Variants in TSNARE1 observed in about 807,000 individuals in gnomAD.
TSNARE1 encodes the protein t-SNARE domain containing 1.
Under a neutral mutation model 62.0 loss-of-function variants are expected in TSNARE1, and 49 were observed. That is an observed-to-expected ratio of 0.79 (90% CI 0.63 to 1.00). The LOEUF is 1.00. Ranked by LOEUF, TSNARE1 falls within the 50% of genes least tolerant of loss-of-function variation. The pLI is 0.00. For synonymous variants in TSNARE1, 328 were observed against 294.4 expected (o/e 1.11, Z -1.17); for missense variants, 755 against 700.1 (o/e 1.08, Z -0.88).
chr8:142,249,670 T>G (rs1818061575), intron 12 of TSNARE1, among the ~76,000 whole-genome samples: 1 of 152,182 alleles, frequency 6.6e-6, no homozygotes, highest in African/African-American at 2.4e-5. Flanking sequence ...AGGCAGGCCG[T>G]CCGCGTCAGG....
chr8:142,401,288 G>A (rs1838272062), intron 1 of TSNARE1, among the ~76,000 whole-genome samples: 1 of 152,152 alleles, frequency 6.6e-6, no homozygotes, highest in African/African-American at 2.4e-5. Context: ...GGGTGACACA[G>A]CAGAGGTCTA....
chr8:142,279,910 A>C, intron 11 of TSNARE1: 1 of 1,036,856 alleles, frequency 9.6e-7, no homozygotes. Flanking sequence ...GTGGGCAGAA[A>C]AGGTCTCTGC....
intron 1 of TSNARE1, chr8:142,366,090 G>C (rs1263954965): frequency 3.1e-6 from 1 of 319,436 alleles, no homozygotes; most frequent in Non-Finnish European, 6.1e-6. Context: ...AGGCTGGAGT[G>C]CAGTGGCACA....
intron 4 of TSNARE1, among the ~76,000 whole-genome samples, chr8:142,332,767 T>A (rs1225173219): frequency 1.3e-5 from 2 of 151,968 alleles, no homozygotes; most frequent in Admixed American, 6.5e-5. Flanking sequence ...AGAGCACACA[T>A]CAAAGCACAT....
intron 11 of TSNARE1, among the ~76,000 whole-genome samples, chr8:142,283,406 A>G (rs796327749): frequency 5.8e-3 from 463 of 80,280 alleles, no homozygotes; most frequent in African/African-American, 0.012. Context: ...GTTAGTGTCT[A>G]TCAATGAGCA....
At chr8:142,318,747 A>G (rs1269029465) in intron 6 of TSNARE1, 113 bp from the exon 7 acceptor site, 3 of 912,322 alleles carry the variant, frequency 3.3e-6, no homozygotes, top group South Asian at 1.4e-5. Flanking sequence ...GGAGACAGAG[A>G]CAGATGGATG....
chr8:142,296,574 G>T (rs1230929249), intron 10 of TSNARE1, among the ~76,000 whole-genome samples: 1 of 152,006 alleles, frequency 6.6e-6, no homozygotes, highest in African/African-American at 2.4e-5. Context: ...CAGGCTCTGG[G>T]GATGGGGCTG....
intron 11 of TSNARE1, chr8:142,275,581 G>A (rs2130629308): frequency 1.0e-6 from 1 of 985,440 alleles, no homozygotes; most frequent in South Asian, 4.7e-5. Flanking sequence ...GGCACCAGGA[G>A]CGCAGGCACA....
At chr8:142,234,792 C>G (rs1362303981) in intron 12 of TSNARE1, among the ~76,000 whole-genome samples, 1 of 152,040 alleles carries the variant, frequency 6.6e-6, no homozygotes. Context: ...GGGGAGACGC[C>G]CAAGCCTAGA....
chr8:142,249,497 T>C (rs1376868253), intron 12 of TSNARE1, among the ~76,000 whole-genome samples: 3 of 152,158 alleles, frequency 2.0e-5, no homozygotes, highest in African/African-American at 7.2e-5. Flanking sequence ...GGGCAGGTCC[T>C]GGGCAGAGGC....
intron 12 of TSNARE1, among the ~76,000 whole-genome samples, chr8:142,255,839 C>T (rs145496345): frequency 0.15 from 3,723 of 25,288 alleles, 580 homozygotes; most frequent in East Asian, 0.25. Context: ...ACCACCACCA[C>T]CACCATCACC....
At chr8:142,314,698 C>T (rs1041801671) in intron 8 of TSNARE1, among the ~76,000 whole-genome samples, 3 of 152,236 alleles carry the variant, frequency 2.0e-5, no homozygotes, top group Admixed American at 1.3e-4. Context: ...CCTCTGTCCA[C>T]GCGTGGGAGC....
At chr8:142,301,110 G>A (rs1825687190) in intron 9 of TSNARE1, among the ~76,000 whole-genome samples, 1 of 148,718 alleles carries the variant, frequency 6.7e-6, no homozygotes, top group African/African-American at 2.5e-5. Context: ...CCCTGCCCAT[G>A]CCAGCAGGCC....
rs146202353 is a variant in TSNARE1 at position 142,307,135 on chromosome 8, C to G, written c.1132-6491G>C. Among the ~76,000 whole-genome samples, 213 of 152,228 alleles carry G rather than the reference C, an allele frequency of 1.4e-3. 2 individuals are homozygous for G. The highest frequency in any genetic ancestry group is 5.6e-3 in the South Asian group (27 of 4,822). On this transcript the variant is annotated intron_variant, in intron 9 of 13. Transcript: ENST00000524325. Reference sequence around the variant, plus strand: ...ATCACTGGTGGGGCCACTGATCATACAGTAGCCACAGCTCACTCTTTTGGC... The same window carrying G: ...ATCACTGGTGGGGCCACTGATCATAGAGTAGCCACAGCTCACTCTTTTGGC...
At chr8:142,222,141 T>TTCACTCACTCACTCATCCACTCAC (rs1816310522) in intron 13 of TSNARE1, among the ~76,000 whole-genome samples, 7 of 112,068 alleles carry the variant, frequency 6.2e-5, no homozygotes, top group African/African-American at 1.4e-4. Flanking sequence ...CATCCACTCA[T>TTCACTCACTCACTCATCCACTCAC]TCACTCACTC....
At chr8:142,365,602 G>GTGCACA (rs1554674592) in intron 1 of TSNARE1, among the ~76,000 whole-genome samples, 16 of 144,508 alleles carry the variant, frequency 1.1e-4, no homozygotes, top group African/African-American at 3.6e-4. Context: ...ACATGCACAC[G>GTGCACA]CACACACACA....
chr8:142,258,496 T>C (rs1005150005), intron 12 of TSNARE1, among the ~76,000 whole-genome samples: 2 of 149,282 alleles, frequency 1.3e-5, no homozygotes, highest in Non-Finnish European at 3.0e-5. Flanking sequence ...TTTTTTTTTT[T>C]TTTGAGACAG....
chr8:142,282,887 A>G (rs1586519992), intron 11 of TSNARE1, among the ~76,000 whole-genome samples: 1 of 140,022 alleles, frequency 7.1e-6, no homozygotes, highest in Admixed American at 7.0e-5. Flanking sequence ...ACTGTCTGTC[A>G]ATGAGCAGAG....
intron 4 of TSNARE1, among the ~76,000 whole-genome samples, chr8:142,342,294 C>A (rs1460784569): frequency 2.0e-5 from 3 of 152,250 alleles, no homozygotes; most frequent in Non-Finnish European, 4.4e-5. Context: ...CCTCAGCGCC[C>A]GTGACCAGAG....
Sources: allele counts gnomAD v4.1 joint callset (sites outside exome capture counted in the v4.1 genomes callset), GRCh38; gene constraint gnomAD v4.1.1; transcripts MANE v1.5; gene names NCBI Gene and HGNC (gene_info 2026-07-23, HGNC 2026-07-21).